The following ATXN1 variants were observed in gnomAD, a reference collection of about 807,000 sequenced individuals.
The protein encoded by ATXN1 is ataxin-1.
A neutral mutation model predicts 56.4 loss-of-function variants in ATXN1; 8 were observed. The ratio of observed to expected loss-of-function variants is 0.14; its 90% CI spans 0.08 to 0.26. The LOEUF is 0.26. Among genes scored for constraint, ATXN1 ranks in the 10% least tolerant of loss-of-function variants. The pLI, the probability that ATXN1 is intolerant of heterozygous loss-of-function variation, is 1.00. For synonymous variants in ATXN1, 514 were observed against 494.6 expected (o/e 1.04, Z -0.52); for missense variants, 987 against 1,106.5 (o/e 0.89, Z 1.53).
At chr6:16,490,873 A>C (rs920747487) in intron 5 of ATXN1, among the ~76,000 whole-genome samples, 6 of 152,152 alleles carry the variant, frequency 3.9e-5, no homozygotes, top group Non-Finnish European at 7.4e-5. Context: ...CCTCTCTCAG[A>C]CTACCTGGAA....
chr6:16,431,141 TG>T (rs1389165643), intron 6 of ATXN1, among the ~76,000 whole-genome samples: 4 of 151,658 alleles, frequency 2.6e-5, no homozygotes, highest in African/African-American at 7.3e-5. Flanking sequence ...GAAATGGGTG[TG>T]GGGGTAGGAG....
intron 2 of ATXN1, among the ~76,000 whole-genome samples, chr6:16,736,466 A>G (rs1760136116): frequency 6.6e-6 from 1 of 152,230 alleles, no homozygotes; most frequent in Admixed American, 6.5e-5. Context: ...AGGCTGTTAC[A>G]AAAGAAAAAT....
intron 6 of ATXN1, among the ~76,000 whole-genome samples, chr6:16,338,587 T>C (rs1421563176): frequency 6.6e-6 from 1 of 152,236 alleles, no homozygotes; most frequent in Non-Finnish European, 1.5e-5. Context: ...TTGTAATCTC[T>C]GCCTTTAAAA....
intron 3 of ATXN1, among the ~76,000 whole-genome samples, chr6:16,589,350 G>A (rs1401829096): frequency 6.6e-6 from 1 of 151,556 alleles, no homozygotes; most frequent in Non-Finnish European, 1.5e-5. Context: ...CAGCAGCGTG[G>A]CACATAAATT....
intron 6 of ATXN1, among the ~76,000 whole-genome samples, chr6:16,370,778 A>C (rs1762024734): frequency 6.6e-6 from 1 of 152,240 alleles, no homozygotes; most frequent in Admixed American, 6.5e-5. Flanking sequence ...TAGAATTATA[A>C]ACTAGTTTTT....
chr6:16,687,657 T>TACACACACACATACACACACACAC (rs374530653), intron 2 of ATXN1, among the ~76,000 whole-genome samples: 1 of 143,294 alleles, frequency 7.0e-6, no homozygotes, highest in African/African-American at 2.6e-5. Context: ...AAAGAAGAAA[T>TACACACACACATACACACACACAC]ACACACACAC....
intron 4 of ATXN1, among the ~76,000 whole-genome samples, chr6:16,545,627 G>C (rs1000655775): frequency 1.3e-5 from 2 of 152,180 alleles, no homozygotes; most frequent in African/African-American, 4.8e-5. Flanking sequence ...TGGGGTGGTT[G>C]ACATGGACCG....
intron 5 of ATXN1, among the ~76,000 whole-genome samples, chr6:16,500,381 C>G (rs1295814757): frequency 1.3e-5 from 2 of 152,106 alleles, no homozygotes; most frequent in Non-Finnish European, 2.9e-5. Context: ...TATAATCTCC[C>G]AGTAATTTCA....
At chr6:16,337,286 C>G (rs1761145523) in intron 6 of ATXN1, among the ~76,000 whole-genome samples, 2 of 152,242 alleles carry the variant, frequency 1.3e-5, no homozygotes, top group South Asian at 4.1e-4. Context: ...AGCTCTGCCA[C>G]CCCTGGAAAC....
chr6:16,585,971 G>A (rs915066067), intron 3 of ATXN1, 64 bp from the exon 4 acceptor site: 4 of 151,898 alleles, frequency 2.6e-5, no homozygotes, highest in East Asian at 1.9e-4. Flanking sequence ...ATTCACATTC[G>A]CTGAAGTCAC....
In ATXN1 at chr6:16,328,613, C is replaced by G. The variant is rs1047801239; in HGVS notation, c.-160-143G>C. The G allele has an allele frequency of 1.4e-5, 4 of 289,540 alleles. No homozygotes were observed. The highest frequency in any genetic ancestry group is 2.5e-5 in the Non-Finnish European group (4 of 161,732). 17.9% of individuals were successfully genotyped at this position (289,540 alleles called of 1,614,324 possible). On this transcript the variant is annotated intron_variant, in intron 6 of 7. Transcript: ENST00000436367. The surrounding 1 kb of genome is among the most constrained non-coding windows in gnomAD (Gnocchi z 6.2). ...TAGGCCCTGGACTCGGTGTGAACTC[C>G]CATAACCCAATCATACCCCAAGCAC... is the stretch of plus-strand genomic sequence containing the variant.
intron 3 of ATXN1, among the ~76,000 whole-genome samples, chr6:16,607,503 T>C (rs10456786): frequency 0.03 from 4,627 of 152,268 alleles, 97 homozygotes; most frequent in Middle Eastern, 0.054. Context: ...GTGTCAGTGT[T>C]ATATTCATGT....
At chr6:16,323,090 A>G (rs1236914719) in intron 7 of ATXN1, among the ~76,000 whole-genome samples, 1 of 152,168 alleles carries the variant, frequency 6.6e-6, no homozygotes, top group Admixed American at 6.5e-5. Flanking sequence ...AGATTTAGTG[A>G]TCTCACTATG....
chr6:16,572,275 A>C (rs1762345417), intron 4 of ATXN1, among the ~76,000 whole-genome samples: 1 of 152,192 alleles, frequency 6.6e-6, no homozygotes, highest in African/African-American at 2.4e-5. Context: ...CTAATGACCG[A>C]CTGATACCAA....
At chr6:16,455,556 T>C (rs1759849332) in intron 6 of ATXN1, among the ~76,000 whole-genome samples, 1 of 151,816 alleles carries the variant, frequency 6.6e-6, no homozygotes, top group African/African-American at 2.4e-5. Flanking sequence ...GTGGCAAGCA[T>C]GCTCCTTGGT....
rs761836772 is a variant in ATXN1 at position 16,654,406 on chromosome 6, C to T, written c.-489+3370G>A. Among the ~76,000 whole-genome samples the T allele has an allele frequency of 1.4e-4, 22 of 151,876 alleles. 1 individual carries two copies. In the South Asian group the frequency reaches 2.1e-3, roughly 14 times the overall value. On this transcript the variant is annotated intron_variant, in intron 3 of 7. Coordinates refer to ENST00000436367, the MANE Select transcript of ATXN1 (RefSeq NM_001128164.2). The stretch of plus-strand genomic sequence containing the variant: ...TAAAAATAGAAAAATTAGCTGGGCA[C>T]GGTGGCGCATGCCTGTAATCCCAGC...
chr6:16,330,214 C>T (rs1349174825), intron 6 of ATXN1, among the ~76,000 whole-genome samples: 1 of 152,078 alleles, frequency 6.6e-6, no homozygotes, highest in African/African-American at 2.4e-5. Flanking sequence ...CTGTGTGTAG[C>T]CAATGATCCG....
intron 3 of ATXN1, among the ~76,000 whole-genome samples, chr6:16,630,078 A>G (rs1763478994): frequency 6.6e-6 from 1 of 152,142 alleles, no homozygotes; most frequent in Admixed American, 6.5e-5. Flanking sequence ...TTTTCCTGTC[A>G]TATAAATCAT....
intron 4 of ATXN1, among the ~76,000 whole-genome samples, chr6:16,550,492 A>G (rs1333929326): frequency 6.6e-6 from 1 of 152,258 alleles, no homozygotes; most frequent in Non-Finnish European, 1.5e-5. Flanking sequence ...TTATTAGGCC[A>G]TAAGTGAGAC....
Sources: gnomAD v4.1 joint callset for allele counts (sites outside exome capture counted in the v4.1 genomes callset) on GRCh38, gnomAD v4.1.1 for gene constraint, Gnocchi (gnomAD v3.1) non-coding constraint, MANE v1.5 for transcripts, NCBI Gene and HGNC (gene_info 2026-07-23, HGNC 2026-07-21) for gene names.